DPP10: variants seen among roughly 807,000 people sequenced by gnomAD.
DPP10 encodes the protein inactive dipeptidyl peptidase 10.
A neutral mutation model predicts 120.9 loss-of-function variants in DPP10; 33 were observed. That is an observed-to-expected ratio of 0.27 (90% confidence interval 0.21 to 0.37). DPP10 has a LOEUF of 0.37. Ranked by LOEUF, DPP10 falls within the 10% of genes least tolerant of loss-of-function variation. The pLI is 1.00. For synonymous variants in DPP10, 337 were observed against 326.1 expected (o/e 1.03, Z -0.36); for missense variants, 816 against 942.8 (o/e 0.87, Z 1.76).
At chr2:115,235,478 T>A (rs907226785) in intron 1 of DPP10, among the ~76,000 whole-genome samples, 1 of 152,206 alleles carries the variant, frequency 6.6e-6, no homozygotes, top group Non-Finnish European at 1.5e-5. Context: ...GCCTTACTCA[T>A]TTCAAAGCTA....
chr2:115,047,377 A>C (rs138644595), intron 1 of DPP10, among the ~76,000 whole-genome samples: 1 of 152,004 alleles, frequency 6.6e-6, no homozygotes, highest in East Asian at 1.9e-4. Context: ...TTAAATTTTG[A>C]ATATTTTAAT....
At chr2:114,747,832 AC>A (rs1191801055) in intron 1 of DPP10, among the ~76,000 whole-genome samples, 2 of 152,118 alleles carry the variant, frequency 1.3e-5, no homozygotes, top group African/African-American at 4.8e-5. Flanking sequence ...TTTCTAGGGA[AC>A]TTTTTTTTCT....
intron 7 of DPP10, among the ~76,000 whole-genome samples, chr2:115,717,386 T>A (rs2092529771): frequency 6.6e-6 from 1 of 151,638 alleles, no homozygotes; most frequent in Admixed American, 6.6e-5. Context: ...TAATAAAAAA[T>A]AAATAAAAAA....
intron 4 of DPP10, among the ~76,000 whole-genome samples, chr2:115,524,516 C>G (rs1355521353): frequency 6.6e-6 from 1 of 152,096 alleles, no homozygotes; most frequent in Non-Finnish European, 1.5e-5. Context: ...CCAGATGGTT[C>G]CCTCAACCCT....
At chr2:114,795,107 G>A (rs180950938) in intron 1 of DPP10, among the ~76,000 whole-genome samples, 1 of 152,224 alleles carries the variant, frequency 6.6e-6, no homozygotes, top group East Asian at 1.9e-4. Flanking sequence ...TAAAAGTTCA[G>A]TAGAAATGGG....
intron 5 of DPP10, among the ~76,000 whole-genome samples, chr2:115,640,848 T>C (rs979076786): frequency 3.3e-5 from 5 of 152,222 alleles, no homozygotes; most frequent in Admixed American, 2.0e-4. Context: ...CTGATCATTA[T>C]ACACCGATGT....
intron 3 of DPP10, among the ~76,000 whole-genome samples, chr2:115,458,939 A>G (rs1015273930): frequency 6.6e-6 from 1 of 152,170 alleles, no homozygotes; most frequent in African/African-American, 2.4e-5. Flanking sequence ...ATATTAACCT[A>G]ATTAAGGCAC....
chr2:114,957,088 C>A (rs1277367231), intron 1 of DPP10, among the ~76,000 whole-genome samples: 3 of 149,342 alleles, frequency 2.0e-5, no homozygotes, highest in Non-Finnish European at 4.5e-5. Flanking sequence ...AATAAGAATA[C>A]GTGAAAATAA....
intron 1 of DPP10, among the ~76,000 whole-genome samples, chr2:115,197,709 C>T (rs912321847): frequency 4.6e-5 from 7 of 152,038 alleles, no homozygotes; most frequent in African/African-American, 1.7e-4. Context: ...TTTGAGATAC[C>T]TGTGAATCTT....
At chr2:115,762,451 A>G (rs1680228088) in intron 11 of DPP10, 121 bp from the exon 12 acceptor site, 1 of 883,892 alleles carries the variant, frequency 1.1e-6, no homozygotes, top group South Asian at 1.4e-5. Context: ...GAAATCTCTC[A>G]TGGTGTTTCA....
At chr2:114,503,166 A>T (rs2104526695) in intron 1 of DPP10, among the ~76,000 whole-genome samples, 1 of 152,340 alleles carries the variant, frequency 6.6e-6, no homozygotes, top group African/African-American at 2.4e-5. Flanking sequence ...GGCTTCATGC[A>T]CAGATGCTCT....
chr2:115,282,357 T>C (rs1035260937), intron 1 of DPP10, among the ~76,000 whole-genome samples: 2 of 152,116 alleles, frequency 1.3e-5, no homozygotes. Flanking sequence ...ACAATTTACA[T>C]ACAATAAAAT....
intron 1 of DPP10, among the ~76,000 whole-genome samples, chr2:114,529,526 A>G (rs1399021701): frequency 2.0e-5 from 3 of 152,152 alleles, no homozygotes; most frequent in Non-Finnish European, 4.4e-5. Flanking sequence ...ACTGGGTTCC[A>G]GCCATGTTGC....
intron 1 of DPP10, among the ~76,000 whole-genome samples, chr2:114,753,210 G>A (rs1384285176): frequency 1.3e-5 from 2 of 152,160 alleles, no homozygotes; most frequent in Non-Finnish European, 2.9e-5. Flanking sequence ...GCTAATGGAT[G>A]TCCCTCCCTT....
chr2:115,646,508 G>C (rs2087273498), intron 5 of DPP10, among the ~76,000 whole-genome samples: 1 of 152,146 alleles, frequency 6.6e-6, no homozygotes, highest in African/African-American at 2.4e-5. Flanking sequence ...CACCATGTCT[G>C]TACATTGGCT....
At chr2:114,957,761 T>C (rs113021596) in intron 1 of DPP10, among the ~76,000 whole-genome samples, 3 of 152,330 alleles carry the variant, frequency 2.0e-5, no homozygotes, top group African/African-American at 7.2e-5. Flanking sequence ...AAATGTAGTG[T>C]ACATATATCC....
intron 1 of DPP10, among the ~76,000 whole-genome samples, chr2:114,604,508 A>G (rs1473885927): frequency 1.3e-5 from 2 of 152,054 alleles, no homozygotes; most frequent in African/African-American, 4.8e-5. Context: ...GCAATGAACA[A>G]TCTACCAAAC....
intron 1 of DPP10, among the ~76,000 whole-genome samples, chr2:114,996,214 G>T (rs78131589): frequency 2.6e-5 from 4 of 152,262 alleles, no homozygotes; most frequent in Non-Finnish European, 4.4e-5. Flanking sequence ...GGCTTGAGGC[G>T]AGGTGTAATC....
At chr2:115,448,205 C>T (rs975932963) in intron 3 of DPP10, among the ~76,000 whole-genome samples, 2 of 152,090 alleles carry the variant, frequency 1.3e-5, no homozygotes, top group Non-Finnish European at 2.9e-5. Flanking sequence ...CCAGGGAAAA[C>T]ATACACACAC....
Sources: allele counts gnomAD v4.1 joint callset (sites outside exome capture counted in the v4.1 genomes callset), GRCh38; gene constraint gnomAD v4.1.1; transcripts MANE v1.5; gene names NCBI Gene and HGNC (gene_info 2026-07-23, HGNC 2026-07-21).